The following EGFR variants were observed in gnomAD, a reference collection of about 807,000 sequenced individuals.
EGFR encodes the protein avian erythroblastic leukemia viral (v-erb-b) oncogene homolog.
A neutral mutation model predicts 143.0 loss-of-function variants in EGFR; 58 were observed. That is an observed-to-expected ratio of 0.41 (90% CI 0.33 to 0.50). The LOEUF is 0.50. Ranked by LOEUF, EGFR falls within the 20% of genes least tolerant of loss-of-function variation. The probability of loss-of-function intolerance (pLI) is 0.39; values close to 1 mark genes in which losing one functional copy is unlikely to be tolerated. For missense variants in EGFR, 1,307 were observed against 1,579.0 expected, an observed-to-expected ratio of 0.83 and a Z score of 2.92; for synonymous variants, 613 against 594.4, an observed-to-expected ratio of 1.03 and a Z score of -0.45.
At chr7:55,200,118 A>G (rs1047335930) in intron 23 of EGFR, among the ~76,000 whole-genome samples, 198 bp from the exon 24 acceptor site, 7 of 152,212 alleles carry the variant, frequency 4.6e-5, no homozygotes, top group African/African-American at 1.7e-4. Flanking sequence ...TCTGATTCAA[A>G]TGTACAGTGC....
chr7:55,108,684 A>G (rs1318283305), intron 1 of EGFR, among the ~76,000 whole-genome samples: 1 of 152,192 alleles, frequency 6.6e-6, no homozygotes, highest in Non-Finnish European at 1.5e-5. Flanking sequence ...CAAATTCTCA[A>G]AGTATAGTCA....
At chr7:55,124,743 C>T (rs564430228) in intron 1 of EGFR, among the ~76,000 whole-genome samples, 1 of 152,326 alleles carries the variant, frequency 6.6e-6, no homozygotes, top group Non-Finnish European at 1.5e-5. Flanking sequence ...GGCTGCCCCA[C>T]ATGCCTTGCT....
At chr7:55,131,499 G>A (rs1793829493) in intron 1 of EGFR, among the ~76,000 whole-genome samples, 1 of 152,174 alleles carries the variant, frequency 6.6e-6, no homozygotes, top group Non-Finnish European at 1.5e-5. Context: ...AGGACAAGAT[G>A]ACGACGACTC....
intron 7 of EGFR, among the ~76,000 whole-genome samples, chr7:55,155,448 AC>A: frequency 6.6e-6 from 1 of 152,332 alleles, no homozygotes; most frequent in African/African-American, 2.4e-5. Context: ...TCTCAGACAA[AC>A]AAAAAAGGAA....
At chr7:55,096,014 C>T (rs1791448885) in intron 1 of EGFR, among the ~76,000 whole-genome samples, 1 of 151,998 alleles carries the variant, frequency 6.6e-6, no homozygotes, top group Non-Finnish European at 1.5e-5. Flanking sequence ...CACAGGCACA[C>T]ACGTGCAGAT....
At chr7:55,128,096 C>T (rs963623156) in intron 1 of EGFR, among the ~76,000 whole-genome samples, 13 of 152,224 alleles carry the variant, frequency 8.5e-5, no homozygotes, top group Non-Finnish European at 5.9e-5. Flanking sequence ...GTGCAAGCAG[C>T]GTTCATTCAT....
At chr7:55,026,410 G>C (rs537128605) in intron 1 of EGFR, among the ~76,000 whole-genome samples, 1 of 152,242 alleles carries the variant, frequency 6.6e-6, no homozygotes, top group Non-Finnish European at 1.5e-5. Context: ...GGTCTGGCTC[G>C]ACAGAGCAGG....
Position 55,198,149 on chromosome 7 carries a change from A to G in EGFR, c.2702-568A>G, listed in dbSNP as rs149081041. On this transcript the variant is annotated intron_variant, in intron 22 of 27. Transcript: ENST00000275493. ...AGTCTTAGGCTTTGTTTTGGTTGGT[A>G]GGCTATTTATTACTGATTCAATTTT... Among the ~76,000 whole-genome samples the G allele has an allele frequency of 1.0e-2, 1,516 of 152,270 alleles. 12 individuals carry two copies. Among genetic ancestry groups the G allele is most frequent in the Non-Finnish European group, 0.016 (1,096 of 68,012 alleles).
intron 1 of EGFR, among the ~76,000 whole-genome samples, chr7:55,060,295 AT>A (rs1323018823): frequency 6.6e-6 from 1 of 152,186 alleles, no homozygotes; most frequent in Non-Finnish European, 1.5e-5. Context: ...GTTTCCTGAC[AT>A]TTTTGTTTTT....
rs1379999823 is a variant in EGFR, at chr7:55,205,738, TTGCAACGTTTACACCGAC to T, written c.*123_*140del. 9.2e-6 allele frequency: 14 copies of T among 1,523,500 alleles called. No individual in the cohort carries two copies. Among genetic ancestry groups the T allele is most frequent in the Non-Finnish European group, 9.0e-7 (1 of 1,107,100 alleles). 94.4% of individuals were successfully genotyped at this position (1,523,500 alleles called of 1,614,324 possible). ...TAGCTCTTAGACCCACAGACTGGTTTTGCAACGTTTACACCGACTAGCCAGGAAGTACTTCCACCTCGG... is the reference window on the plus strand; with the variant it reads ...TAGCTCTTAGACCCACAGACTGGTTTTAGCCAGGAAGTACTTCCACCTCGG... On this transcript the variant is annotated 3_prime_UTR_variant, in exon 28 of 28. Transcript: ENST00000275493.
intron 15 of EGFR, 111 bp downstream of exon 15, chr7:55,165,548 G>A: frequency 7.0e-7 from 1 of 1,431,462 alleles, no homozygotes; most frequent in East Asian, 2.5e-5. Context: ...ATTTGAGTCA[G>A]TTACTTAAGG....
intron 1 of EGFR, among the ~76,000 whole-genome samples, chr7:55,052,823 T>G (rs1026459982): frequency 6.6e-6 from 1 of 152,174 alleles, no homozygotes; most frequent in African/African-American, 2.4e-5. Context: ...GTAATGTGAC[T>G]GAGAAAGGTG....
At chr7:55,062,260 A>G (rs1789229441) in intron 1 of EGFR, among the ~76,000 whole-genome samples, 1 of 152,218 alleles carries the variant, frequency 6.6e-6, no homozygotes, top group Non-Finnish European at 1.5e-5. Context: ...TTAGTCTTCA[A>G]TGACATGGCA....
intron 18 of EGFR, 98 bp from the exon 19 acceptor site, chr7:55,174,624 C>G: frequency 1.9e-6 from 2 of 1,048,770 alleles, no homozygotes; most frequent in Non-Finnish European, 3.0e-6. Context: ...CCCTCACCTT[C>G]GGGGTGCATC....
At chr7:55,051,882 C>G (rs960476676) in intron 1 of EGFR, among the ~76,000 whole-genome samples, 6 of 152,152 alleles carry the variant, frequency 3.9e-5, no homozygotes, top group African/African-American at 1.4e-4. Flanking sequence ...CTGGAAAACT[C>G]CCCCCACAAA....
intron 1 of EGFR, among the ~76,000 whole-genome samples, chr7:55,087,840 CT>C (rs1790857618): frequency 6.6e-6 from 1 of 152,162 alleles, no homozygotes; most frequent in Admixed American, 6.5e-5. Context: ...GAGCAATGGC[CT>C]TCCCACCCTC....
chr7:55,189,060 A>C (rs1047891292), intron 20 of EGFR: 1 of 152,098 alleles, frequency 6.6e-6, no homozygotes, highest in Admixed American at 6.5e-5. Flanking sequence ...GCACGGGACC[A>C]AGGTGCATGC....
intron 1 of EGFR, among the ~76,000 whole-genome samples, chr7:55,096,460 C>T (rs1167658310): frequency 1.3e-5 from 2 of 152,166 alleles, no homozygotes; most frequent in Non-Finnish European, 2.9e-5. Context: ...GCTATCTTTT[C>T]GGCTGCCTTG....
chr7:55,191,158 T>G (rs1466593877), intron 20 of EGFR, among the ~76,000 whole-genome samples: 2 of 152,044 alleles, frequency 1.3e-5, no homozygotes, highest in African/African-American at 4.8e-5. Context: ...GAGGGTGGTG[T>G]CTTCTAAAAG....
Sources: gnomAD v4.1 joint callset for allele counts (sites outside exome capture counted in the v4.1 genomes callset) on GRCh38, gnomAD v4.1.1 for gene constraint, MANE v1.5 for transcripts, NCBI Gene and HGNC (gene_info 2026-07-23, HGNC 2026-07-21) for gene names.